ZDHHC17: variants seen among roughly 807,000 people sequenced by gnomAD.
ZDHHC17 encodes zDHHC palmitoyltransferase 17, also known as palmitoyltransferase ZDHHC17.
In ZDHHC17, 40 loss-of-function variants were observed where a neutral mutation model predicts 90.3. That is an observed-to-expected ratio of 0.44 (90% CI 0.34 to 0.58). ZDHHC17 has a LOEUF of 0.58. Ranked by LOEUF, ZDHHC17 falls within the 20% of genes least tolerant of loss-of-function variation. The probability of loss-of-function intolerance (pLI) is 0.01; values close to 1 mark genes in which losing one functional copy is unlikely to be tolerated. For missense variants in ZDHHC17, 614 were observed against 780.8 expected, an observed-to-expected ratio of 0.79 and a Z score of 2.55; for synonymous variants, 235 against 252.4, an observed-to-expected ratio of 0.93 and a Z score of 0.65.
At chr12:76,783,199 A>G (rs1235080142) in intron 1 of ZDHHC17, among the ~76,000 whole-genome samples, 2 of 152,232 alleles carry the variant, frequency 1.3e-5, no homozygotes, top group African/African-American at 4.8e-5. Context: ...TTGATAGCTA[A>G]GAGAAAACTA....
intron 5 of ZDHHC17, among the ~76,000 whole-genome samples, chr12:76,810,264 T>TAAG (rs2137763000): frequency 6.6e-6 from 1 of 152,298 alleles, no homozygotes; most frequent in East Asian, 1.9e-4. Context: ...TTCTGCTGTA[T>TAAG]AAGATAATGC....
At chr12:76,767,232 A>G (rs1410801717) in intron 1 of ZDHHC17, among the ~76,000 whole-genome samples, 1 of 152,166 alleles carries the variant, frequency 6.6e-6, no homozygotes, top group Non-Finnish European at 1.5e-5. Flanking sequence ...GTGGGTTTTA[A>G]TTTAGTGGAA....
chr12:76,786,663 A>T (rs1053732470), intron 1 of ZDHHC17, among the ~76,000 whole-genome samples: 1 of 152,204 alleles, frequency 6.6e-6, no homozygotes, highest in African/African-American at 2.4e-5. Flanking sequence ...TGTGGGGATT[A>T]TAGGTATGCA....
chr12:76,780,277 A>G (rs977927332), intron 1 of ZDHHC17, among the ~76,000 whole-genome samples: 2 of 152,070 alleles, frequency 1.3e-5, no homozygotes, highest in African/African-American at 4.8e-5. Context: ...ATGCCTGCTT[A>G]TTTATTTAGA....
At chr12:76,795,338 AAC>A in intron 1 of ZDHHC17, among the ~76,000 whole-genome samples, 1 of 152,164 alleles carries the variant, frequency 6.6e-6, no homozygotes, top group African/African-American at 2.4e-5. Context: ...CAACCTCTTT[AAC>A]GTTGCACATG....
At chr12:76,793,759 G>A (rs1952787783) in intron 1 of ZDHHC17, among the ~76,000 whole-genome samples, 1 of 152,118 alleles carries the variant, frequency 6.6e-6, no homozygotes, top group Non-Finnish European at 1.5e-5. Context: ...GCTTCTAATG[G>A]AATTACTGCG....
At chr12:76,814,089 A>G (rs1953055903) in intron 5 of ZDHHC17, among the ~76,000 whole-genome samples, 1 of 152,054 alleles carries the variant, frequency 6.6e-6, no homozygotes, top group Non-Finnish European at 1.5e-5. Flanking sequence ...TTAATGAGAC[A>G]CACATTTCAG....
At chr12:76,794,660 GGTTAAT>G (rs374255127) in intron 1 of ZDHHC17, among the ~76,000 whole-genome samples, 9 of 151,910 alleles carry the variant, frequency 5.9e-5, no homozygotes, top group African/African-American at 2.2e-4. Flanking sequence ...TACTTACATA[GGTTAAT>G]TTTAATATGT....
At chr12:76,773,173 G>C (rs534626282) in intron 1 of ZDHHC17, among the ~76,000 whole-genome samples, 3 of 152,088 alleles carry the variant, frequency 2.0e-5, no homozygotes, top group African/African-American at 7.2e-5. Context: ...CTTAACACTT[G>C]TAAGAGTAAT....
At position 76,852,153 on chromosome 12, in the gene ZDHHC17, T is replaced by G. The variant is rs1420749628; in HGVS notation, c.*1168T>G. The G allele has an allele frequency of 6.6e-6, 1 of 152,650 alleles. No homozygotes were observed. Among genetic ancestry groups the G allele is most frequent in the Non-Finnish European group, 1.5e-5 (1 of 68,040 alleles). The allele number at this position is 152,650 out of a possible 1,614,324, so 9.5% of individuals were successfully genotyped here. A position where few individuals can be genotyped will look rare whatever the true frequency, so the allele number is the denominator to read the frequency against. On this transcript the variant is annotated 3_prime_UTR_variant, in exon 17 of 17. Transcript: ENST00000426126. Reference sequence around the variant, plus strand: ...AATGTGATGCACTGATCAATTTTTGTCACAGCATTTTCATACCTTCATGGT... The same window carrying G: ...AATGTGATGCACTGATCAATTTTTGGCACAGCATTTTCATACCTTCATGGT...
chr12:76,823,134 A>G (rs767336962), intron 8 of ZDHHC17, among the ~76,000 whole-genome samples: 2 of 152,166 alleles, frequency 1.3e-5, no homozygotes, highest in Non-Finnish European at 2.9e-5. Context: ...CATTGATTCA[A>G]CTGGCCTTTG....
chr12:76,810,989 A>G (rs1410008292), intron 5 of ZDHHC17, among the ~76,000 whole-genome samples: 1 of 152,186 alleles, frequency 6.6e-6, no homozygotes, highest in Non-Finnish European at 1.5e-5. Flanking sequence ...CTACTTTTCA[A>G]TACCAGTCCA....
intron 1 of ZDHHC17, among the ~76,000 whole-genome samples, chr12:76,789,761 C>T (rs1952737689): frequency 6.6e-6 from 1 of 151,852 alleles, no homozygotes; most frequent in African/African-American, 2.4e-5. Flanking sequence ...AAATACATAA[C>T]TTGAGTCTAG....
At position 76,853,606 on chromosome 12, in the gene ZDHHC17, C is replaced by T. The variant is rs1262435751; in HGVS notation, c.*2621C>T. The T allele has an allele frequency of 1.3e-5, 2 of 152,194 alleles. No individual in the cohort carries two copies. Among genetic ancestry groups the T allele is most frequent in the Non-Finnish European group, 2.9e-5 (2 of 67,904 alleles). 9.4% of individuals were successfully genotyped at this position (152,194 alleles called of 1,614,324 possible). ...CCGTGTTATTCTGTGGAAAGAAAAA[C>T]CTGTAAAGTGTTTAATAAATTAGCC... On this transcript the variant is annotated 3_prime_UTR_variant, in exon 17 of 17. Transcript: ENST00000426126.
At position 76,852,138 on chromosome 12, in the gene ZDHHC17, A is replaced by G. The variant is rs1312908834; in HGVS notation, c.*1153A>G. The G allele has an allele frequency of 6.6e-6, 1 of 152,664 alleles. No individual in the cohort carries two copies. The highest frequency in any genetic ancestry group is 1.5e-5 in the Non-Finnish European group (1 of 68,052). The allele number at this position is 152,664 out of a possible 1,614,324, so 9.5% of individuals were successfully genotyped here. ...ATTTTCTTTTTGTTAAATGTGATGC[A>G]CTGATCAATTTTTGTCACAGCATTT... On this transcript the variant is annotated 3_prime_UTR_variant, in exon 17 of 17. Transcript: ENST00000426126.
chr12:76,768,313 C>G (rs1214623924), intron 1 of ZDHHC17, among the ~76,000 whole-genome samples: 1 of 152,118 alleles, frequency 6.6e-6, no homozygotes, highest in Admixed American at 6.5e-5. Context: ...TTTAACTGGT[C>G]TCAGTTTTGT....
At chr12:76,846,800 C>G in intron 14 of ZDHHC17, 121 bp downstream of exon 14, 1 of 781,182 alleles carries the variant, frequency 1.3e-6, no homozygotes, top group Middle Eastern at 3.7e-4. Flanking sequence ...GGTTTGGACA[C>G]CTTATGAAGC....
At chr12:76,800,896 T>TTTC (rs1228681332) in intron 2 of ZDHHC17, among the ~76,000 whole-genome samples, 2 of 148,304 alleles carry the variant, frequency 1.3e-5, no homozygotes, top group Non-Finnish European at 3.0e-5. Context: ...TTTTTTTTTT[T>TTTC]TTTTTTTTTT....
chr12:76,830,404 CT>C (rs1189578399), intron 10 of ZDHHC17, among the ~76,000 whole-genome samples: 1 of 152,098 alleles, frequency 6.6e-6, no homozygotes, highest in African/African-American at 2.4e-5. Flanking sequence ...AATATTTTTA[CT>C]GCATTATGTA....
Sources: gnomAD v4.1 joint callset for allele counts (sites outside exome capture counted in the v4.1 genomes callset) on GRCh38, gnomAD v4.1.1 for gene constraint, MANE v1.5 for transcripts, NCBI Gene and HGNC (gene_info 2026-07-23, HGNC 2026-07-21) for gene names.